Variants in KCNT1 observed in about 807,000 individuals in gnomAD.
KCNT1 encodes the protein potassium channel subfamily T member 1.
A neutral mutation model predicts 147.8 loss-of-function variants in KCNT1; 78 were observed. The observed-to-expected ratio is 0.53, with a 90% CI of 0.44 to 0.64. The LOEUF (loss-of-function observed/expected upper bound fraction) is 0.64. KCNT1 is among the 30% of genes least tolerant of loss of function. KCNT1 has a pLI of 0.00. For synonymous variants in KCNT1, 867 were observed against 748.8 expected (o/e 1.16, Z -2.58); for missense variants, 1,419 against 1,750.3 (o/e 0.81, Z 3.38).
intron 2 of KCNT1, among the ~76,000 whole-genome samples, chr9:135,749,337 A>G (rs1373965351): frequency 6.6e-6 from 1 of 152,182 alleles, no homozygotes; most frequent in African/African-American, 2.4e-5. Flanking sequence ...ACCCCCGGCA[A>G]CTGGCACACT....
At chr9:135,709,153 T>C (rs1392269487) in intron 1 of KCNT1, among the ~76,000 whole-genome samples, 2 of 152,206 alleles carry the variant, frequency 1.3e-5, no homozygotes, top group African/African-American at 4.8e-5. Flanking sequence ...ACCTACAAGC[T>C]GGGTGCCCAG....
At position 135,745,043 on chromosome 9, in the gene KCNT1, G is replaced by C. The variant is rs566724037; in HGVS notation, c.255-5055G>C. On this transcript the variant is annotated intron_variant, in intron 2 of 30. Transcript: ENST00000371757. ...AGGGTGGGGGTCGGGACCCGTGGCC[G>C]GGGATCCGGGAATGCAGCACCCGCT... Among the ~76,000 whole-genome samples, 526 of 152,356 alleles carry C rather than the reference G, an allele frequency of 3.5e-3. 3 individuals carry two copies. The highest frequency in any genetic ancestry group is 0.012 in the African/African-American group (513 of 41,590).
chr9:135,709,615 G>C lies in KCNT1; in HGVS notation c.111-4962G>C, dbSNP rs569332214. Among the ~76,000 whole-genome samples, 4 of 152,280 alleles carry C rather than the reference G, an allele frequency of 2.6e-5. No individual in the cohort carries two copies. In the South Asian group the frequency reaches 6.2e-4, roughly 24 times the overall value. The stretch of plus-strand genomic sequence containing the variant: ...TCTGCATCTCTCTAATTATTAGCTA[G>C]GTGGCTTGTCTTTACTTGTGCGTTG... On this transcript the variant is annotated intron_variant, in intron 1 of 30. Coordinates refer to ENST00000371757, the MANE Select transcript of KCNT1 (RefSeq NM_020822.3).
chr9:135,734,404 C>T (rs1830249783), intron 2 of KCNT1, among the ~76,000 whole-genome samples: 1 of 152,218 alleles, frequency 6.6e-6, no homozygotes, highest in Admixed American at 6.5e-5. Context: ...TATTGTCCTT[C>T]CCACATGGGA....
At chr9:135,722,952 G>A (rs144702785) in intron 2 of KCNT1, among the ~76,000 whole-genome samples, 11 of 152,218 alleles carry the variant, frequency 7.2e-5, no homozygotes, top group South Asian at 4.1e-4. Context: ...AAAAGATGTC[G>A]TGGGAAATCC....
chr9:135,777,515 G>A lies in KCNT1; in HGVS notation c.2522+5G>A. 1 of 1,611,372 alleles carries A rather than the reference G, an allele frequency of 6.2e-7. No individual in the cohort carries two copies. Among genetic ancestry groups the A allele is most frequent in the Non-Finnish European group, 8.5e-7 (1 of 1,179,222 alleles). ...CGTGCTGCTGCTGGACAACAAGTGA[G>A]GCTCCTGGGGCTCAGCCCACCCCGC... is the stretch of plus-strand genomic sequence containing the variant. On this transcript the variant is annotated splice_donor_5th_base_variant and intron_variant, in intron 21 of 30. Coordinates refer to ENST00000371757, the MANE Select transcript of KCNT1 (RefSeq NM_020822.3).
intron 30 of KCNT1, 22 bp from the exon 31 acceptor site, chr9:135,792,019 G>A (rs767613227): frequency 1.0e-5 from 16 of 1,603,290 alleles, no homozygotes; most frequent in Non-Finnish European, 1.4e-5. Context: ...TCCACTCCAG[G>A]GTCCTCTGTG....
chr9:135,738,230 G>A (rs77477725), intron 2 of KCNT1, among the ~76,000 whole-genome samples: 8,244 of 152,318 alleles, frequency 0.054, 420 homozygotes, highest in African/African-American at 0.13. Flanking sequence ...CTGTGCTGAC[G>A]GTTTCACATG....
rs765774534 is a variant in KCNT1 at position 135,786,265 on chromosome 9, C to T, written c.3246C>T (p.Arg1082=). Reference sequence around the variant, plus strand: ...AAGTGAAGGGGCCCTGGGGCTCCCGCGCTGGCACCGGAGGCAGCTCCCAGG... The same window carrying T: ...AAGTGAAGGGGCCCTGGGGCTCCCGTGCTGGCACCGGAGGCAGCTCCCAGG... ...TREVKGPWGS[R]AGTGGSSQGR... Residue 1082 remains arginine, a synonymous_variant, in exon 29 of 31, where the codon CGC becomes CGT. Transcript: ENST00000371757. 44 of 1,610,502 alleles carry T rather than the reference C, an allele frequency of 2.7e-5. No homozygotes were observed. In the African/African-American group the frequency reaches 4.8e-4, roughly 18 times the overall value.
intron 2 of KCNT1, among the ~76,000 whole-genome samples, chr9:135,741,728 G>A (rs894664386): frequency 2.0e-5 from 3 of 152,260 alleles, no homozygotes; most frequent in Non-Finnish European, 2.9e-5. Flanking sequence ...GCGTGTGCCT[G>A]TGACCCCAGG....
chr9:135,713,872 G>A (rs930065704), intron 1 of KCNT1, among the ~76,000 whole-genome samples: 4 of 152,192 alleles, frequency 2.6e-5, no homozygotes, highest in Non-Finnish European at 5.9e-5. Flanking sequence ...TCTACCTGGT[G>A]TGCCACGATG....
chr9:135,751,662 G>A (rs1831180302), intron 4 of KCNT1, among the ~76,000 whole-genome samples: 1 of 152,208 alleles, frequency 6.6e-6, no homozygotes, highest in South Asian at 2.1e-4. Flanking sequence ...GGCGGCTGCT[G>A]GGACCTACTC....
chr9:135,706,597 T>C (rs932075517), intron 1 of KCNT1, among the ~76,000 whole-genome samples: 3 of 152,202 alleles, frequency 2.0e-5, no homozygotes, highest in Non-Finnish European at 4.4e-5. Context: ...TCCTCCTTTG[T>C]AGCCACTCTG....
Position 135,780,050 on chromosome 9 carries a change from G to A in KCNT1, c.2841+580G>A, listed in dbSNP as rs184357609. Among the ~76,000 whole-genome samples the A allele has an allele frequency of 4.8e-3, 724 of 152,364 alleles. 3 individuals are homozygous for A. The highest frequency in any genetic ancestry group is 0.01 in the Middle Eastern group (3 of 294). ...GAGCTGGAATTGGCTTTCTGCCCTT[G>A]GAGCTCCATGAAGGGCACCACCCAG... On this transcript the variant is annotated intron_variant, in intron 24 of 30. Transcript: ENST00000371757.
intron 28 of KCNT1, chr9:135,785,716 C>T (rs912398643): frequency 4.2e-5 from 20 of 475,554 alleles, no homozygotes; most frequent in Admixed American, 7.2e-5. Context: ...CAGCACCCCA[C>T]GACCCACAGG....
intron 19 of KCNT1, among the ~76,000 whole-genome samples, chr9:135,773,260 G>A (rs1285279604): frequency 6.6e-6 from 1 of 152,176 alleles, no homozygotes; most frequent in Non-Finnish European, 1.5e-5. Flanking sequence ...CACAGGGGCT[G>A]TCAGGCACCA....
At chr9:135,727,651 CG>C (rs1455017967) in intron 2 of KCNT1, among the ~76,000 whole-genome samples, 1 of 152,120 alleles carries the variant, frequency 6.6e-6, no homozygotes, top group African/African-American at 2.4e-5. Flanking sequence ...GGCACCAGGC[CG>C]GGTGGTGTCC....
At chr9:135,741,935 C>T (rs892724612) in intron 2 of KCNT1, among the ~76,000 whole-genome samples, 1 of 152,182 alleles carries the variant, frequency 6.6e-6, no homozygotes, top group Admixed American at 6.5e-5. Flanking sequence ...CCCTGCCCAG[C>T]CCCCGACCAG....
chr9:135,727,867 T>G (rs1836283798), intron 2 of KCNT1, among the ~76,000 whole-genome samples: 1 of 152,204 alleles, frequency 6.6e-6, no homozygotes, highest in Non-Finnish European at 1.5e-5. Flanking sequence ...ATCTGCAGCC[T>G]GGGACTGGGA....
Sources: allele counts gnomAD v4.1 joint callset (sites outside exome capture counted in the v4.1 genomes callset), GRCh38; gene constraint gnomAD v4.1.1; transcripts MANE v1.5; gene names NCBI Gene and HGNC (gene_info 2026-07-23, HGNC 2026-07-21).